CLASRP: variants seen among roughly 807,000 people sequenced by gnomAD.
CLASRP encodes the protein CLK4 associating serine/arginine rich protein.
In CLASRP, 52 loss-of-function variants were observed where a neutral mutation model predicts 99.9. The observed-to-expected ratio is 0.52, with a 90% confidence interval of 0.42 to 0.66. The LOEUF is 0.66. Among genes scored for constraint, CLASRP ranks in the 30% least tolerant of loss-of-function variants. The pLI, the probability that CLASRP is intolerant of heterozygous loss-of-function variation, is 0.00. For missense variants in CLASRP, 848 were observed against 999.2 expected (o/e 0.85, Z 2.04); for synonymous variants, 379 against 373.0 (o/e 1.02, Z -0.18).
At chr19:45,063,399 T>C (rs998519079) in intron 11 of CLASRP, among the ~76,000 whole-genome samples, 3 of 150,466 alleles carry the variant, frequency 2.0e-5, no homozygotes, top group African/African-American at 7.3e-5. Context: ...ATCTTTTGAG[T>C]AAAACTTTTC....
rs534568965 is a variant in CLASRP at position 45,063,432 on chromosome 19, T to C, written c.906-580T>C. ...TTCTGTGTTTTGTACAGAGATCTGC[T>C]TATCTTTTTTTTTTTTTTTTTTTTT... is the stretch of plus-strand genomic sequence containing the variant. On this transcript the variant is annotated intron_variant, in intron 11 of 20. Transcript: ENST00000221455. 1.6e-4 allele frequency among the ~76,000 whole-genome samples: 23 copies of C among 141,816 alleles called. 1 individual carries two copies. Among genetic ancestry groups the C allele is most frequent in the African/African-American group, 6.0e-4 (23 of 38,386 alleles). 93.0% of individuals were successfully genotyped at this position (141,816 alleles called of 152,430 possible). A position where few individuals can be genotyped will look rare whatever the true frequency, so the allele number is the denominator to read the frequency against.
rs1971787930 is a variant in CLASRP at position 45,040,330 on chromosome 19, G to A, written c.99+19G>A. 3 of 1,576,144 alleles carry A rather than the reference G, an allele frequency of 1.9e-6. No individual in the cohort carries two copies. Among genetic ancestry groups the A allele is most frequent in the East Asian group, 2.3e-5 (1 of 44,354 alleles). On this transcript the variant is annotated intron_variant, in intron 2 of 20. Coordinates refer to ENST00000221455, the MANE Select transcript of CLASRP (RefSeq NM_007056.3). ...AAAGATCGTGAGTAACTGGCCTTTT[G>A]TCTGGGGTGAGGGACCCTGGGTTGG...
Position 45,070,099 on chromosome 19 carries a change from G to A in CLASRP, c.1952G>A (p.Arg651Gln), listed in dbSNP as rs779523548. 1.3e-5 allele frequency: 20 copies of A among 1,567,118 alleles called. No homozygotes were observed. In the South Asian group the frequency reaches 1.8e-4, roughly 14 times the overall value. Residue 651 changes from arginine (R) to glutamine (Q), a missense_variant, in exon 19 of 21, where the codon CGA becomes CAA. Coordinates refer to ENST00000221455, the MANE Select transcript of CLASRP (RefSeq NM_007056.3). ...YSRQSRSPSP[R>Q]YSREYSSSRR... The stretch of plus-strand genomic sequence containing the variant: ...CGGCAGAGCCGCTCACCCTCCCCCC[G>A]ATACAGTGAGTGTCCCCACCAGGCT...
chr19:45,070,428 C>T (rs1317628349), intron 19 of CLASRP, 109 bp from the exon 20 acceptor site: 1 of 969,500 alleles, frequency 1.0e-6, no homozygotes, highest in African/African-American at 1.6e-5. Context: ...AATGTCCCCT[C>T]ATTTGGAGAC....
intron 13 of CLASRP, among the ~76,000 whole-genome samples, chr19:45,065,933 G>A (rs1215875837): frequency 3.9e-5 from 6 of 152,258 alleles, no homozygotes; most frequent in South Asian, 4.1e-4. Context: ...AGCACTGATC[G>A]CCATGTCAGC....
At chr19:45,047,940 C>T (rs1326359319) in intron 2 of CLASRP, among the ~76,000 whole-genome samples, 1 of 151,778 alleles carries the variant, frequency 6.6e-6, no homozygotes, top group African/African-American at 2.4e-5. Context: ...AAAAAATTAG[C>T]CAGGCAGGTT....
Position 45,060,101 on chromosome 19 carries a change from T to C in CLASRP, c.711-288T>C, listed in dbSNP as rs1257225941. On this transcript the variant is annotated intron_variant, in intron 8 of 20. Coordinates refer to ENST00000221455, the MANE Select transcript of CLASRP (RefSeq NM_007056.3). The surrounding 1 kb of genome is among the most constrained non-coding windows in gnomAD (Gnocchi z 4.6). ...ACTGCAGCTTCCTCTGCCTTTGCTC[T>C]ACCATCTAATGGACCACACATTTTA... Among the ~76,000 whole-genome samples, 1 of 152,176 alleles carries C rather than the reference T, an allele frequency of 6.6e-6. No homozygotes were observed. The highest frequency in any genetic ancestry group is 2.4e-5 in the African/African-American group (1 of 41,438).
intron 1 of CLASRP, 35 bp from the exon 2 acceptor site, chr19:45,040,149 G>A: frequency 8.0e-7 from 1 of 1,253,734 alleles, no homozygotes; most frequent in Non-Finnish European, 1.1e-6. Context: ...GGGTTTCACA[G>A]ACCATCTGAC....
chr19:45,064,989 G>T (rs1359495592), intron 13 of CLASRP, among the ~76,000 whole-genome samples: 1 of 152,100 alleles, frequency 6.6e-6, no homozygotes, highest in Non-Finnish European at 1.5e-5. Context: ...TCTGTAGCTT[G>T]AAGGGACGGG....
chr19:45,057,627 G>A (rs549661411), intron 6 of CLASRP, 123 bp from the exon 7 acceptor site: 1 of 1,117,914 alleles, frequency 8.9e-7, no homozygotes, highest in Admixed American at 1.9e-5. Flanking sequence ...GGAGCAGAGG[G>A]TCCTAGGCTG....
intron 19 of CLASRP, 43 bp downstream of exon 19, chr19:45,070,147 A>C (rs117782853): frequency 0.018 from 23,017 of 1,244,910 alleles, 298 homozygotes; most frequent in Middle Eastern, 0.056. Flanking sequence ...GGCTTTAAAG[A>C]AAAGTGTCAA....
At position 45,060,526 on chromosome 19, in the gene CLASRP, C is replaced by T; in HGVS notation, c.790-28C>T. On this transcript the variant is annotated intron_variant, in intron 9 of 20. Coordinates refer to ENST00000221455, the MANE Select transcript of CLASRP (RefSeq NM_007056.3). The surrounding 1 kb of genome is among the most constrained non-coding windows in gnomAD (Gnocchi z 4.6). The stretch of plus-strand genomic sequence containing the variant: ...GTGTGTCACAGGGAGGGCACCCCCT[C>T]ACCAACCTGGCACCCACCCTACTCC... 2 of 1,613,224 alleles carry T rather than the reference C, an allele frequency of 1.2e-6. No individual in the cohort carries two copies. The highest frequency in any genetic ancestry group is 1.1e-5 in the South Asian group (1 of 91,072).
intron 11 of CLASRP, among the ~76,000 whole-genome samples, chr19:45,063,434 A>ATTTTTTTTTTT (rs1600110419): frequency 5.5e-5 from 3 of 54,954 alleles, no homozygotes; most frequent in African/African-American, 1.3e-4. Context: ...AGATCTGCTT[A>ATTTTTTTTTTT]TCTTTTTTTT....
chr19:45,063,250 T>C (rs1043870927), intron 11 of CLASRP, among the ~76,000 whole-genome samples: 9 of 151,334 alleles, frequency 5.9e-5, no homozygotes, highest in Non-Finnish European at 1.0e-4. Flanking sequence ...CAAGCAGTCC[T>C]CCCACCTGGG....
In CLASRP at chr19:45,067,629, A is replaced by G; in HGVS notation, c.1667+35A>G. 6.5e-7 allele frequency: 1 copy of G among 1,546,334 alleles called. No individual in the cohort carries two copies. Among genetic ancestry groups the G allele is most frequent in the African/African-American group, 1.4e-5 (1 of 73,526 alleles). On this transcript the variant is annotated intron_variant, in intron 14 of 20. Coordinates refer to ENST00000221455, the MANE Select transcript of CLASRP (RefSeq NM_007056.3). The surrounding 1 kb of genome is among the most constrained non-coding windows in gnomAD (Gnocchi z 4.9). ...GCGGGTCTGGAGGAAGAGGGCTGCC[A>G]ATCTCGGGTGGGGAGGGTGAACATC...
At chr19:45,046,258 A>G (rs541803373) in intron 2 of CLASRP, among the ~76,000 whole-genome samples, 1 of 152,142 alleles carries the variant, frequency 6.6e-6, no homozygotes, top group East Asian at 1.9e-4. Flanking sequence ...GTCCAGATGC[A>G]GTTGGTTTCT....
In CLASRP at chr19:45,064,231, G is replaced by C. The variant is rs974970380; in HGVS notation, c.1121+4G>C. ...CGGGACGTAATGCCAGCGCCCGGTC[G>C]GTAACGCTCACGCCGCCCGCCCTAC... On this transcript the variant is annotated splice_donor_region_variant and intron_variant, in intron 12 of 20. Coordinates refer to ENST00000221455, the MANE Select transcript of CLASRP (RefSeq NM_007056.3). 5.1e-6 allele frequency: 8 copies of C among 1,583,808 alleles called. No individual in the cohort carries two copies. Among genetic ancestry groups the C allele is most frequent in the Non-Finnish European group, 6.9e-6 (8 of 1,166,742 alleles).
chr19:45,050,883 A>AT (rs918620963), intron 2 of CLASRP, among the ~76,000 whole-genome samples: 8 of 151,448 alleles, frequency 5.3e-5, no homozygotes, highest in African/African-American at 1.9e-4. Flanking sequence ...TGGCTGGCTA[A>AT]TTTTTTTGTA....
Position 45,057,909 on chromosome 19 carries a change from C to T in CLASRP, c.613+11C>T, listed in dbSNP as rs1252751267. The T allele has an allele frequency of 3.7e-6, 6 of 1,613,248 alleles. No individual in the cohort carries two copies. Among genetic ancestry groups the T allele is most frequent in the African/African-American group, 2.7e-5 (2 of 74,866 alleles). ...TCATCCCCGACATCGGTGGGGTCCC[C>T]TCTCTGCCCTCCCCACCTGCAGTCC... On this transcript the variant is annotated intron_variant, in intron 7 of 20. Coordinates refer to ENST00000221455, the MANE Select transcript of CLASRP (RefSeq NM_007056.3).
Sources: allele counts gnomAD v4.1 joint callset (sites outside exome capture counted in the v4.1 genomes callset), GRCh38; gene constraint gnomAD v4.1.1; non-coding constraint Gnocchi (gnomAD v3.1); transcripts MANE v1.5; gene names NCBI Gene and HGNC (gene_info 2026-07-23, HGNC 2026-07-21).